Variants in CHUK observed in about 807,000 individuals in gnomAD.
The protein encoded by CHUK is component of inhibitor of nuclear factor kappa B kinase complex.
A neutral mutation model predicts 104.8 loss-of-function variants in CHUK; 35 were observed. The ratio of observed to expected loss-of-function variants is 0.33; its 90% CI spans 0.26 to 0.44. The LOEUF (loss-of-function observed/expected upper bound fraction) is 0.44. CHUK is among the 20% of genes least tolerant of loss of function. CHUK has a pLI of 1.00. For synonymous variants in CHUK, 276 were observed against 291.9 expected, an observed-to-expected ratio of 0.95 and a Z score of 0.56; for missense variants, 663 against 902.7, an observed-to-expected ratio of 0.73 and a Z score of 3.40.
chr10:100,212,376 C>T (rs897928163), intron 9 of CHUK, among the ~76,000 whole-genome samples: 2 of 152,110 alleles, frequency 1.3e-5, no homozygotes, highest in East Asian at 1.9e-4. Flanking sequence ...TGATTTGCAT[C>T]GCCCTGATGC....
intron 4 of CHUK, among the ~76,000 whole-genome samples, chr10:100,221,670 C>T (rs546609815): frequency 2.6e-5 from 4 of 152,264 alleles, no homozygotes; most frequent in Admixed American, 1.3e-4. Context: ...CAAAGTCTCA[C>T]TCTGTTGTCC....
At chr10:100,203,615 GAAAACA>G (rs1845520760) in intron 13 of CHUK, among the ~76,000 whole-genome samples, 1 of 151,918 alleles carries the variant, frequency 6.6e-6, no homozygotes, top group Admixed American at 6.6e-5. Context: ...TTTTATAAAA[GAAAACA>G]GAAATGCTGG....
downstream of CHUK, chr10:100,186,537 G>A (rs1451879663): frequency 6.6e-6 from 1 of 152,460 alleles, no homozygotes; most frequent in East Asian, 1.9e-4. Context: ...CTGGTCCAGT[G>A]AGGGCTTTAT....
intron 10 of CHUK, among the ~76,000 whole-genome samples, chr10:100,209,168 C>T (rs1845662426): frequency 6.6e-6 from 1 of 152,170 alleles, no homozygotes; most frequent in Non-Finnish European, 1.5e-5. Flanking sequence ...TGAATGCAAA[C>T]TTACACATAG....
At chr10:100,228,394 C>T (rs1349564881) in intron 1 of CHUK, among the ~76,000 whole-genome samples, 9 of 152,218 alleles carry the variant, frequency 5.9e-5, no homozygotes, top group Non-Finnish European at 8.8e-5. Flanking sequence ...TGGCTCACGC[C>T]TATAATCTCT....
At chr10:100,194,350 A>AG in intron 17 of CHUK, 75 bp downstream of exon 17, 1 of 1,206,100 alleles carries the variant, frequency 8.3e-7, no homozygotes, top group Non-Finnish European at 1.2e-6. Context: ...TTTACCAAAG[A>AG]GGGCTTTTGT....
intron 19 of CHUK, chr10:100,192,453 A>G (rs537718341): frequency 7.2e-6 from 2 of 278,834 alleles, no homozygotes; most frequent in South Asian, 2.7e-4. Context: ...TAAAAAAATA[A>G]AATACCTGAT....
chr10:100,210,091 AT>A (rs11436816), intron 9 of CHUK, among the ~76,000 whole-genome samples: 49 of 121,822 alleles, frequency 4.0e-4, no homozygotes, highest in South Asian at 9.2e-4. Flanking sequence ...TTATTTATTT[AT>A]TTTTTTTTTT....
At chr10:100,196,261 G>A (rs1845323508) in intron 16 of CHUK, among the ~76,000 whole-genome samples, 1 of 151,734 alleles carries the variant, frequency 6.6e-6, no homozygotes, top group African/African-American at 2.4e-5. Context: ...TCCTAACCTT[G>A]GATTAATCCA....
chr10:100,198,418 T>C (rs1350709356), intron 16 of CHUK, among the ~76,000 whole-genome samples: 1 of 152,240 alleles, frequency 6.6e-6, no homozygotes, highest in Non-Finnish European at 1.5e-5. Context: ...TAAGTGAAAC[T>C]GTCATTTTTT....
chr10:100,201,091 C>T (rs1231060889), intron 14 of CHUK, among the ~76,000 whole-genome samples: 2 of 152,120 alleles, frequency 1.3e-5, no homozygotes, highest in African/African-American at 2.4e-5. Flanking sequence ...AGAAAAAGGA[C>T]CACCAAAACC....
At chr10:100,222,328 T>C (rs1253837406) in intron 3 of CHUK, 147 bp from the exon 4 acceptor site, 1 of 613,444 alleles carries the variant, frequency 1.6e-6, no homozygotes, top group Non-Finnish European at 2.9e-6. Flanking sequence ...ACCAAATCCA[T>C]ACTGAGGGCA....
Position 100,189,770 on chromosome 10 carries a change from A to T in CHUK, c.2209-143T>A, listed in dbSNP as rs917110502. ...TTTCATTTACCTTATTTCCTGATTT[A>T]AAAAAATTTCAGAGTTTTTTTCATA... On this transcript the variant is annotated intron_variant, in intron 20 of 20. Coordinates refer to ENST00000370397, the MANE Select transcript of CHUK (RefSeq NM_001278.5). 3.9e-5 allele frequency: 24 copies of T among 611,388 alleles called. 1 individual carries two copies. The highest frequency in any genetic ancestry group is 1.9e-4 in the South Asian group (9 of 46,898). 37.9% of individuals were successfully genotyped at this position (611,388 alleles called of 1,614,324 possible).
At chr10:100,192,844 T>C (rs1369943402) in intron 19 of CHUK, 1 of 617,206 alleles carries the variant, frequency 1.6e-6, no homozygotes, top group Admixed American at 5.6e-5. Context: ...ATAAAATAGA[T>C]CTCAAAAATT....
In CHUK at chr10:100,194,135, G is replaced by A. The variant is rs757969477; in HGVS notation, c.1827-4C>T. ...CTGCTTACAGCCCAACAACTTGCTGGAGAGATTAAATCAGTGTCAGACACT... is the reference window on the plus strand; with the variant it reads ...CTGCTTACAGCCCAACAACTTGCTGAAGAGATTAAATCAGTGTCAGACACT... On this transcript the variant is annotated splice_region_variant and splice_polypyrimidine_tract_variant and intron_variant, in intron 17 of 20. Transcript: ENST00000370397. 6.2e-7 allele frequency: 1 copy of A among 1,613,126 alleles called. No individual in the cohort carries two copies. Among genetic ancestry groups the A allele is most frequent in the South Asian group, 1.1e-5 (1 of 91,066 alleles).
intron 12 of CHUK, 84 bp from the exon 13 acceptor site, chr10:100,204,741 A>C (rs1589584562): frequency 8.5e-7 from 1 of 1,171,138 alleles, no homozygotes. Context: ...AAAAACATAA[A>C]CTGCCACAAG....
intron 2 of CHUK, among the ~76,000 whole-genome samples, chr10:100,225,000 CCA>C (rs1043963623): frequency 2.0e-5 from 3 of 151,842 alleles, no homozygotes; most frequent in Admixed American, 1.3e-4. Context: ...CGGGCATGCA[CCA>C]CCACACATAG....
At chr10:100,220,705 G>A in intron 4 of CHUK, 29 bp from the exon 5 acceptor site, 1 of 1,390,446 alleles carries the variant, frequency 7.2e-7, no homozygotes, top group Non-Finnish European at 1.0e-6. Context: ...ATACTTTAAA[G>A]TAACAGAAAT....
chr10:100,200,914 T>C (rs974520690), intron 14 of CHUK, 134 bp from the exon 15 acceptor site: 42 of 689,330 alleles, frequency 6.1e-5, no homozygotes, highest in Non-Finnish European at 1.1e-4. Flanking sequence ...GAAACACTGA[T>C]TTTGTTAAAG....
Sources: allele counts gnomAD v4.1 joint callset (sites outside exome capture counted in the v4.1 genomes callset), GRCh38; gene constraint gnomAD v4.1.1; transcripts MANE v1.5; gene names NCBI Gene and HGNC (gene_info 2026-07-23, HGNC 2026-07-21).